CGGBP1: variants seen among roughly 807,000 people sequenced by gnomAD.
CGGBP1 encodes the protein CGG triplet repeat-binding protein 1.
In CGGBP1, 4 loss-of-function variants were observed where a neutral mutation model predicts 11.4. That is an observed-to-expected ratio of 0.35 (90% CI 0.17 to 0.80). The LOEUF (loss-of-function observed/expected upper bound fraction) is 0.80. Ranked by LOEUF, CGGBP1 falls within the 30% of genes least tolerant of loss-of-function variation. The pLI, the probability that CGGBP1 is intolerant of heterozygous loss-of-function variation, is 0.52. For missense variants in CGGBP1, 135 were observed against 202.1 expected (o/e 0.67, Z 2.01); for synonymous variants, 76 against 74.1 (o/e 1.03, Z -0.13).
At chr3:88,142,951 G>A (rs1240066061) in intron 1 of CGGBP1, 1 of 152,196 alleles carries the variant, frequency 6.6e-6, no homozygotes, top group Non-Finnish European at 1.5e-5. Context: ...ATTATTGAAA[G>A]GAAGATGCTT....
intron 2 of CGGBP1, among the ~76,000 whole-genome samples, chr3:88,127,230 A>G (rs1194755738): frequency 6.6e-6 from 1 of 152,174 alleles, no homozygotes; most frequent in Non-Finnish European, 1.5e-5. Context: ...AAGACATTTC[A>G]TACCACAAAT....
At chr3:88,078,885 G>A (rs1576220712) in intron 2 of CGGBP1, among the ~76,000 whole-genome samples, 1 of 151,974 alleles carries the variant, frequency 6.6e-6, no homozygotes, top group South Asian at 2.1e-4. Flanking sequence ...ACTGAACTTG[G>A]TTCTATTATA....
intron 2 of CGGBP1, among the ~76,000 whole-genome samples, chr3:88,095,254 T>C (rs541050004): frequency 6.6e-6 from 1 of 152,256 alleles, no homozygotes; most frequent in East Asian, 1.9e-4. Context: ...TCAGTTATGT[T>C]AAAGAGAACC....
At chr3:88,101,199 G>A (rs1704401803) in intron 2 of CGGBP1, among the ~76,000 whole-genome samples, 1 of 151,978 alleles carries the variant, frequency 6.6e-6, no homozygotes, top group Admixed American at 6.6e-5. Flanking sequence ...AAGTTTTATA[G>A]AGTTGTGCAA....
chr3:88,057,896 G>A (rs958160860), intron 2 of CGGBP1, 123 bp downstream of exon 2: 7 of 152,138 alleles, frequency 4.6e-5, no homozygotes, highest in Non-Finnish European at 7.4e-5. Context: ...TTCAATAGAA[G>A]AAAACATTTT....
intron 2 of CGGBP1, chr3:88,140,282 T>C (rs1707040039): frequency 6.2e-7 from 1 of 1,613,718 alleles, no homozygotes; most frequent in African/African-American, 1.3e-5. Flanking sequence ...ACTATTTAAG[T>C]AAAACACCAG....
upstream of CGGBP1, chr3:88,059,242 G>A: frequency 2.6e-6 from 4 of 1,522,882 alleles, no homozygotes; most frequent in Non-Finnish European, 2.6e-6. Flanking sequence ...GAACTAGAGA[G>A]GAGGAGGAGG....
upstream of CGGBP1, among the ~76,000 whole-genome samples, chr3:88,060,452 A>G (rs1706807798): frequency 6.6e-6 from 1 of 152,174 alleles, no homozygotes; most frequent in Non-Finnish European, 1.5e-5. Flanking sequence ...TCCCATTCAC[A>G]ACAATCTTTT....
chr3:88,076,298 G>A (rs1331735469), intron 2 of CGGBP1, among the ~76,000 whole-genome samples: 1 of 152,134 alleles, frequency 6.6e-6, no homozygotes, highest in African/African-American at 2.4e-5. Flanking sequence ...CCATCCCATA[G>A]TTACCTTCTG....
upstream of CGGBP1, among the ~76,000 whole-genome samples, chr3:88,061,396 A>C (rs539182546): frequency 3.3e-5 from 5 of 152,328 alleles, no homozygotes; most frequent in South Asian, 1.0e-3. Context: ...ATCCAAGGAA[A>C]TAAAACAGGA....
chr3:88,139,652 C>T, intron 2 of CGGBP1: 5 of 1,611,648 alleles, frequency 3.1e-6, no homozygotes, highest in Non-Finnish European at 4.2e-6. Flanking sequence ...TGGCTGAATT[C>T]ATTGAAATTC....
intron 2 of CGGBP1, among the ~76,000 whole-genome samples, chr3:88,105,652 G>GTA (rs1366970486): frequency 3.3e-5 from 5 of 152,108 alleles, no homozygotes; most frequent in African/African-American, 1.2e-4. Flanking sequence ...ATCTGGCCTT[G>GTA]TATATCTCTG....
intron 2 of CGGBP1, among the ~76,000 whole-genome samples, chr3:88,084,498 T>C (rs1708239634): frequency 6.6e-6 from 1 of 152,128 alleles, no homozygotes; most frequent in Admixed American, 6.5e-5. Context: ...GCATAGTTAG[T>C]AGTAGTTTTT....
chr3:88,062,029 G>A (rs1374741715), upstream of CGGBP1, among the ~76,000 whole-genome samples: 1 of 152,130 alleles, frequency 6.6e-6, no homozygotes, highest in African/African-American at 2.4e-5. Flanking sequence ...TTCCAGAGGG[G>A]TTTTTGTGTC....
At position 88,141,600 on chromosome 3, in the gene CGGBP1, G is replaced by A. The variant is rs112565258; in HGVS notation, c.-337-522C>T. On this transcript the variant is annotated intron_variant, in intron 1 of 3. Coordinates refer to the CGGBP1 transcript ENST00000462901. Reference sequence around the variant, plus strand: ...AGGAATCTGACTTGGAATTCCGGTCGAATGTCAATAAAACTTGCATTAACA... The same window carrying A: ...AGGAATCTGACTTGGAATTCCGGTCAAATGTCAATAAAACTTGCATTAACA... 723 of 1,402,036 alleles carry A rather than the reference G, an allele frequency of 5.2e-4. 2 individuals carry two copies. The Middle Eastern group carries it at 5.5e-3, about 11-fold the overall frequency. The allele number at this position is 1,402,036 out of a possible 1,614,324, so 86.8% of individuals were successfully genotyped here.
intron 2 of CGGBP1, among the ~76,000 whole-genome samples, chr3:88,072,079 C>T (rs1707547782): frequency 6.6e-6 from 1 of 151,986 alleles, no homozygotes; most frequent in Admixed American, 6.6e-5. Flanking sequence ...GAGGGTATTC[C>T]TTTAAGAAAA....
chr3:88,084,534 G>A (rs1708241078), intron 2 of CGGBP1, among the ~76,000 whole-genome samples: 2 of 152,144 alleles, frequency 1.3e-5, no homozygotes, highest in Non-Finnish European at 2.9e-5. Context: ...AGAACTGCAA[G>A]AGCCAGACGA....
chr3:88,056,134 T>C, intron 3 of CGGBP1, 135 bp from the exon 4 acceptor site: 2 of 640,460 alleles, frequency 3.1e-6, no homozygotes, highest in Non-Finnish European at 5.1e-6. Context: ...TGTGTGTCTA[T>C]TAATCTTAAC....
chr3:88,059,923 G>A (rs1298849140), upstream of CGGBP1, among the ~76,000 whole-genome samples: 1 of 151,794 alleles, frequency 6.6e-6, no homozygotes, highest in Non-Finnish European at 1.5e-5. Context: ...ATTGCCCCCC[G>A]TGTTCTCCCC....
Sources: gnomAD v4.1 joint callset for allele counts (sites outside exome capture counted in the v4.1 genomes callset) on GRCh38, gnomAD v4.1.1 for gene constraint, MANE v1.5 for transcripts, NCBI Gene and HGNC (gene_info 2026-07-23, HGNC 2026-07-21) for gene names.